ARHGEF4: variants seen among roughly 807,000 people sequenced by gnomAD.
The protein encoded by ARHGEF4 is APC-stimulated guanine nucleotide exchange factor 1.
In ARHGEF4, 119 loss-of-function variants were observed where a neutral mutation model predicts 162.0. The ratio of observed to expected loss-of-function variants is 0.73; its 90% CI spans 0.63 to 0.86. ARHGEF4 has a LOEUF of 0.86. ARHGEF4 is among the 40% of genes least tolerant of loss of function. The pLI, the probability that ARHGEF4 is intolerant of heterozygous loss-of-function variation, is 0.00. For missense variants in ARHGEF4, 2,488 were observed against 2,456.0 expected (o/e 1.01, Z -0.28); for synonymous variants, 1,014 against 979.9 (o/e 1.03, Z -0.65).
Position 130,916,288 on chromosome 2 carries a change from T to A in ARHGEF4, c.2342T>A (p.Leu781His), listed in dbSNP as rs1367224881. The A allele has an allele frequency of 2.0e-6, 3 of 1,530,448 alleles. No homozygotes were observed. In the East Asian group the frequency reaches 7.6e-5, roughly 39 times the overall value. 94.8% of individuals were successfully genotyped at this position (1,530,448 alleles called of 1,614,324 possible). Residue 781 changes from leucine to histidine, a missense_variant, in exon 2 of 14, where the codon CTC (leucine) becomes CAC (histidine). Physicochemically the swap from Leu to His is moderately conservative, Grantham distance 99. This residue lies in a region of ARHGEF4 where 1,642 missense variants were observed against 1,481.5 expected (regional missense o/e 1.11). Coordinates refer to ENST00000409359, the MANE Select transcript of ARHGEF4 (RefSeq NM_001367493.1). ...ALEPPQPPRG[L>H]RKGAQEPGKR... ...GAGCCGCCCCAGCCGCCACGCGGGCTCCGCAAGGGCGCGCAGGAGCCTGGG... is the reference window on the plus strand; with the variant it reads ...GAGCCGCCCCAGCCGCCACGCGGGCACCGCAAGGGCGCGCAGGAGCCTGGG...
chr2:130,857,388 A>G (rs1181540787), intron 1 of ARHGEF4, among the ~76,000 whole-genome samples: 1 of 106,650 alleles, frequency 9.4e-6, no homozygotes, highest in Non-Finnish European at 1.9e-5. Context: ...TAATGCACAC[A>G]TACACACAAA....
intron 1 of ARHGEF4, among the ~76,000 whole-genome samples, chr2:130,891,426 A>ACCTTAGC (rs1302763925): frequency 2.0e-5 from 3 of 152,204 alleles, no homozygotes; most frequent in African/African-American, 7.2e-5. Flanking sequence ...GCCAGATAAT[A>ACCTTAGC]AGTACCTTAG....
intron 1 of ARHGEF4, among the ~76,000 whole-genome samples, chr2:130,871,477 G>A (rs570674671): frequency 2.0e-5 from 3 of 151,666 alleles, no homozygotes; most frequent in Admixed American, 6.6e-5. Context: ...CAGAGGTTGC[G>A]GTAAGCCAAG....
chr2:130,919,998 G>A (rs1306237467), intron 2 of ARHGEF4, among the ~76,000 whole-genome samples: 1 of 152,228 alleles, frequency 6.6e-6, no homozygotes, highest in Non-Finnish European at 1.5e-5. Flanking sequence ...AGTGGTCCCT[G>A]TGCTCACGTT....
intron 2 of ARHGEF4, among the ~76,000 whole-genome samples, chr2:130,928,946 T>G (rs2105097180): frequency 6.6e-6 from 1 of 152,314 alleles, no homozygotes; most frequent in Middle Eastern, 3.4e-3. Flanking sequence ...ATTCTCAGAC[T>G]AGCTTTGCCT....
At chr2:130,854,097 C>G (rs1418501092) in intron 1 of ARHGEF4, among the ~76,000 whole-genome samples, 1 of 151,986 alleles carries the variant, frequency 6.6e-6, no homozygotes, top group African/African-American at 2.4e-5. Flanking sequence ...AGAAACATGA[C>G]CAATAAAAGA....
Position 130,992,564 on chromosome 2 carries a change from G to A in ARHGEF4, c.3986-35381G>A, listed in dbSNP as rs181930547. Among the ~76,000 whole-genome samples, 3 of 152,052 alleles carry A rather than the reference G, an allele frequency of 2.0e-5. No homozygotes were observed. In the South Asian group the frequency reaches 6.2e-4, roughly 32 times the overall value. On this transcript the variant is annotated intron_variant, in intron 4 of 13. Coordinates refer to ENST00000409359, the MANE Select transcript of ARHGEF4 (RefSeq NM_001367493.1). ...AACCGGGCGGGAACACCAGAAGGAA[G>A]AAACTCCGAACCTATCCGACCATCA...
chr2:130,961,603 G>A (rs1329057978), intron 4 of ARHGEF4, among the ~76,000 whole-genome samples: 2 of 152,182 alleles, frequency 1.3e-5, no homozygotes, highest in Non-Finnish European at 1.5e-5. Flanking sequence ...TGCAGGAAAC[G>A]AGCAAGATGT....
At chr2:130,856,061 G>C (rs4850134) in intron 1 of ARHGEF4, among the ~76,000 whole-genome samples, 12,462 of 152,234 alleles carry the variant, frequency 0.082, 984 homozygotes, top group African/African-American at 0.2. Context: ...GTGGCCTCAG[G>C]AGACTAAGAC....
chr2:130,927,818 T>G (rs1682385666), intron 2 of ARHGEF4, among the ~76,000 whole-genome samples: 1 of 152,242 alleles, frequency 6.6e-6, no homozygotes, highest in South Asian at 2.1e-4. Context: ...TATCTTTGTT[T>G]TATACATAAT....
In ARHGEF4 at chr2:130,931,069, G is replaced by T. The variant is rs756233817; in HGVS notation, c.3670G>T (p.Ala1224Ser). Reference sequence around the variant, plus strand: ...CTTCACCACTGACATGGTGACATGGGCCCTCCTCTGCATCTCTGCAGAGAC... The same window carrying T: ...CTTCACCACTGACATGGTGACATGGTCCCTCCTCTGCATCTCTGCAGAGAC... ...PCFTTDMVTW[A>S]LLCISAETVR... The change falls in exon 3 of 14, where the codon GCC (alanine) becomes TCC (serine). Residue 1224 changes from alanine to serine, a missense_variant. Transcript: ENST00000409359. 2.5e-6 allele frequency: 4 copies of T among 1,614,066 alleles called. No homozygotes were observed. The highest frequency in any genetic ancestry group is 1.7e-5 in the Admixed American group (1 of 60,008).
intron 1 of ARHGEF4, among the ~76,000 whole-genome samples, chr2:130,878,191 T>G (rs80346786): frequency 0.014 from 2,126 of 152,318 alleles, 50 homozygotes; most frequent in African/African-American, 0.048. Flanking sequence ...CATATATTCT[T>G]TATCTTTTTT....
intron 8 of ARHGEF4, 62 bp downstream of exon 8, chr2:131,040,502 C>G: frequency 6.8e-7 from 1 of 1,468,886 alleles, no homozygotes; most frequent in Non-Finnish European, 9.0e-7. Flanking sequence ...CCGCGGGCGC[C>G]AGCGCGGACA....
At chr2:130,985,477 GACTGAC>G (rs1686418266) in intron 4 of ARHGEF4, among the ~76,000 whole-genome samples, 1 of 152,030 alleles carries the variant, frequency 6.6e-6, no homozygotes, top group African/African-American at 2.4e-5. Flanking sequence ...CCATCTCCCT[GACTGAC>G]TAAAACTAGG....
intron 5 of ARHGEF4, among the ~76,000 whole-genome samples, chr2:131,028,564 T>G (rs1689631523): frequency 6.6e-6 from 1 of 152,252 alleles, no homozygotes; most frequent in Non-Finnish European, 1.5e-5. Flanking sequence ...AGTTGCTGTG[T>G]TTTTGCTATT....
At position 130,841,621 on chromosome 2, in the gene ARHGEF4, T is replaced by A. The variant is rs953747176; in HGVS notation, c.39+4629T>A. Among the ~76,000 whole-genome samples the A allele has an allele frequency of 2.0e-5, 3 of 152,208 alleles. No individual in the cohort carries two copies. The East Asian group carries it at 5.8e-4, about 29-fold the overall frequency. ...CCAACGGGAAGGTCTTCCGTCATCA[T>A]CTCCAGCTGATAGAGAACGATGTCT... On this transcript the variant is annotated intron_variant, in intron 1 of 13. Transcript: ENST00000409359.
At chr2:130,907,256 G>C (rs1276131234) in intron 1 of ARHGEF4, among the ~76,000 whole-genome samples, 124,243 of 136,058 alleles carry the variant, frequency 0.91, 57,185 homozygotes, top group East Asian at 1. Flanking sequence ...TCTGGAGACT[G>C]GAGGCTGGAG....
chr2:130,928,548 A>T (rs1204134398), intron 2 of ARHGEF4, among the ~76,000 whole-genome samples: 1 of 152,188 alleles, frequency 6.6e-6, no homozygotes, highest in Non-Finnish European at 1.5e-5. Flanking sequence ...GAGTATACAC[A>T]GTCACGTGGC....
chr2:130,880,516 A>C (rs1679122543), intron 1 of ARHGEF4, among the ~76,000 whole-genome samples: 1 of 152,180 alleles, frequency 6.6e-6, no homozygotes, highest in African/African-American at 2.4e-5. Flanking sequence ...AGCTGTCCTC[A>C]GCTCCTTCCA....
Sources: gnomAD v4.1 joint callset for allele counts (sites outside exome capture counted in the v4.1 genomes callset) on GRCh38, gnomAD v4.1.1 for gene constraint, gnomAD v4.1.1 regional missense constraint, MANE v1.5 for transcripts, NCBI Gene and HGNC (gene_info 2026-07-23, HGNC 2026-07-21) for gene names.